The following PTPN13 variants were observed in gnomAD, a reference collection of about 807,000 sequenced individuals.
The protein encoded by PTPN13 is protein tyrosine phosphatase non-receptor type 13.
PTPN13 carries 191 observed loss-of-function variants against 284.0 expected under a neutral mutation model. The ratio of observed to expected loss-of-function variants is 0.67; its 90% CI spans 0.60 to 0.76. The LOEUF is 0.76. Among genes scored for constraint, PTPN13 ranks in the 30% least tolerant of loss-of-function variants. PTPN13 has a pLI of 0.00. For synonymous variants in PTPN13, 986 were observed against 1,022.3 expected, an observed-to-expected ratio of 0.96 and a Z score of 0.68; for missense variants, 2,797 against 2,939.9, an observed-to-expected ratio of 0.95 and a Z score of 1.12.
chr4:86,673,822 C>G (rs962040811), intron 3 of PTPN13, among the ~76,000 whole-genome samples: 1 of 152,142 alleles, frequency 6.6e-6, no homozygotes, highest in African/African-American at 2.4e-5. Flanking sequence ...ATTCTCCTGC[C>G]TCAGACTCCC....
At chr4:86,611,031 A>G (rs1765216810) in intron 1 of PTPN13, among the ~76,000 whole-genome samples, 1 of 152,212 alleles carries the variant, frequency 6.6e-6, no homozygotes, top group Admixed American at 6.5e-5. Context: ...CTTGATTTCC[A>G]TTATTTTTCT....
intron 40 of PTPN13, among the ~76,000 whole-genome samples, chr4:86,787,923 T>A (rs533457195): frequency 6.6e-6 from 1 of 152,178 alleles, no homozygotes; most frequent in Non-Finnish European, 1.5e-5. Context: ...AGGAAACAAA[T>A]TATTAGGAAC....
Position 86,751,163 on chromosome 4 carries a change from C to A in PTPN13, c.3166+39C>A, listed in dbSNP as rs750567049. On this transcript the variant is annotated intron_variant, in intron 19 of 47. Transcript: ENST00000411767. ...AGCTTACCTTCTTTGTCCCATACCTCATGCTCAGAGGGAAGTGAACAAGAT... is the reference window on the plus strand; with the variant it reads ...AGCTTACCTTCTTTGTCCCATACCTAATGCTCAGAGGGAAGTGAACAAGAT... 3.6e-6 allele frequency: 5 copies of A among 1,386,050 alleles called. No individual in the cohort carries two copies. In the East Asian group the frequency reaches 9.2e-5, roughly 25 times the overall value. 85.9% of individuals were successfully genotyped at this position (1,386,050 alleles called of 1,614,324 possible).
chr4:86,795,929 A>G (rs1280315453), intron 40 of PTPN13, among the ~76,000 whole-genome samples: 1 of 152,140 alleles, frequency 6.6e-6, no homozygotes, highest in African/African-American at 2.4e-5. Flanking sequence ...TAGGAGAAAT[A>G]CCTAATGTAA....
Position 86,769,752 on chromosome 4 carries a change from TA to T in PTPN13, c.4490-16del, listed in dbSNP as rs1273102472. 6.7e-7 allele frequency: 1 copy of T among 1,502,540 alleles called. No homozygotes were observed. Among genetic ancestry groups the T allele is most frequent in the African/African-American group, 1.4e-5 (1 of 70,752 alleles). The allele number at this position is 1,502,540 out of a possible 1,614,324, so 93.1% of individuals were successfully genotyped here. ...ATGTTAATAATATCTAAATTTTTTT[TA>T]TATCTTTTTCTCCAGAAAATACATT... On this transcript the variant is annotated splice_polypyrimidine_tract_variant and intron_variant, in intron 28 of 47. Transcript: ENST00000411767.
chr4:86,662,066 C>T (rs1726552725), intron 2 of PTPN13, among the ~76,000 whole-genome samples: 1 of 152,082 alleles, frequency 6.6e-6, no homozygotes, highest in Non-Finnish European at 1.5e-5. Flanking sequence ...TGGTAATTAT[C>T]TCTGTTGTAG....
chr4:86,748,610 T>C (rs1055765366), intron 17 of PTPN13, among the ~76,000 whole-genome samples: 2 of 152,158 alleles, frequency 1.3e-5, no homozygotes, highest in Non-Finnish European at 2.9e-5. Flanking sequence ...GAAAATAGAA[T>C]AGCATTATTT....
intron 45 of PTPN13, among the ~76,000 whole-genome samples, chr4:86,808,121 T>A (rs1316286765): frequency 6.6e-6 from 1 of 152,208 alleles, no homozygotes; most frequent in Non-Finnish European, 1.5e-5. Context: ...TGTCCTCTAC[T>A]AAAATGGAAA....
At chr4:86,670,310 A>T (rs1048121318) in intron 2 of PTPN13, among the ~76,000 whole-genome samples, 1 of 148,566 alleles carries the variant, frequency 6.7e-6, no homozygotes, top group Non-Finnish European at 1.5e-5. Flanking sequence ...TGACATCCCC[A>T]TTCAAATGTA....
At chr4:86,803,606 A>AAATT (rs1308224213) in intron 42 of PTPN13, 103 bp from the exon 43 acceptor site, 5 of 1,209,436 alleles carry the variant, frequency 4.1e-6, no homozygotes, top group Non-Finnish European at 5.9e-6. Flanking sequence ...ATAAATAAAT[A>AAATT]GACTTTCCCT....
intron 47 of PTPN13, among the ~76,000 whole-genome samples, chr4:86,811,887 G>A (rs1442178398): frequency 6.6e-6 from 1 of 152,068 alleles, no homozygotes; most frequent in African/African-American, 2.4e-5. Flanking sequence ...TAACTATTAA[G>A]CTGATTTATA....
At chr4:86,756,336 A>G (rs952154589) in intron 20 of PTPN13, among the ~76,000 whole-genome samples, 2 of 152,032 alleles carry the variant, frequency 1.3e-5, no homozygotes, top group African/African-American at 4.8e-5. Flanking sequence ...TAAAAAATAG[A>G]ACTAATTGCC....
chr4:86,727,833 T>A (rs1578511078), intron 10 of PTPN13, among the ~76,000 whole-genome samples: 1 of 149,678 alleles, frequency 6.7e-6, no homozygotes, highest in Non-Finnish European at 1.5e-5. Flanking sequence ...GCTCTGATCT[T>A]AGTTATTTCT....
In PTPN13 at chr4:86,772,860, G is replaced by A. The variant is rs780801224; in HGVS notation, c.5251G>A (p.Asp1751Asn). The change falls in exon 32 of 48, where the codon GAT (aspartate) becomes AAT (asparagine). Residue 1751 changes from aspartate to asparagine, a missense_variant. Asp to Asn is a conservative substitution (Grantham distance 23, BLOSUM62 1). Coordinates refer to ENST00000411767, the MANE Select transcript of PTPN13 (RefSeq NM_080683.3). ...QSESASSSSM[D>N]KYHIHHISEP... ...AGAATCTGCTTCCTCTAGTTCGATG[G>A]ATAAGTATCATATACATCACATTTC... is the stretch of plus-strand genomic sequence containing the variant. 2.5e-6 allele frequency: 4 copies of A among 1,612,096 alleles called. No individual in the cohort carries two copies. The highest frequency in any genetic ancestry group is 3.4e-6 in the Non-Finnish European group (4 of 1,178,474).
Position 86,701,315 on chromosome 4 carries a change from C to T in PTPN13, c.709C>T (p.Leu237Phe). ...TCATCAGACCTTTCTTAACAAAGGG[C>T]TTAGTAAATCTATGGGATTTCTGTC... Reference protein sequence around the residue: ...LSHQTFLNKGLSKSMGFLSIK... With the variant: ...LSHQTFLNKGFSKSMGFLSIK... Residue 237 changes from leucine to phenylalanine, a missense_variant, in exon 7 of 48, where the codon CTT becomes TTT. Transcript: ENST00000411767. 1 of 1,612,434 alleles carries T rather than the reference C, an allele frequency of 6.2e-7. No homozygotes were observed. Among genetic ancestry groups the T allele is most frequent in the South Asian group, 1.1e-5 (1 of 90,782 alleles).
At chr4:86,789,771 G>A (rs1194516275) in intron 40 of PTPN13, among the ~76,000 whole-genome samples, 1 of 151,154 alleles carries the variant, frequency 6.6e-6, no homozygotes, top group Non-Finnish European at 1.5e-5. Context: ...TCTTCTTAAC[G>A]CAACCCTCCC....
chr4:86,764,778 T>C (rs774364255), intron 25 of PTPN13, 54 bp downstream of exon 25: 44 of 1,542,056 alleles, frequency 2.9e-5, no homozygotes, highest in Non-Finnish European at 3.5e-5. Context: ...TCCAGCAGCC[T>C]ATTGTATGTC....
chr4:86,809,648 A>G (rs922108127), intron 45 of PTPN13, 121 bp from the exon 46 acceptor site: 24 of 844,868 alleles, frequency 2.8e-5, no homozygotes, highest in Non-Finnish European at 4.3e-5. Context: ...CCGAGATTGC[A>G]CCACTGCACT....
chr4:86,639,735 C>T (rs1011417720), intron 2 of PTPN13, among the ~76,000 whole-genome samples: 12 of 151,710 alleles, frequency 7.9e-5, no homozygotes, highest in Admixed American at 1.3e-4. Flanking sequence ...TGCTAAATGA[C>T]GAGTTAATGG....
Sources: gnomAD v4.1 joint callset for allele counts (sites outside exome capture counted in the v4.1 genomes callset) on GRCh38, gnomAD v4.1.1 for gene constraint, MANE v1.5 for transcripts, NCBI Gene and HGNC (gene_info 2026-07-23, HGNC 2026-07-21) for gene names.